PRKAR1B: variants seen among roughly 807,000 people sequenced by gnomAD.
PRKAR1B encodes the protein cAMP-dependent protein kinase type I-beta regulatory subunit.
PRKAR1B carries 22 observed loss-of-function variants against 46.5 expected under a neutral mutation model. The observed-to-expected ratio is 0.47, with a 90% CI of 0.34 to 0.68. The LOEUF (loss-of-function observed/expected upper bound fraction) is 0.68. Among genes scored for constraint, PRKAR1B ranks in the 30% least tolerant of loss-of-function variants. PRKAR1B has a pLI of 0.01. For missense variants in PRKAR1B, 445 were observed against 535.6 expected, an observed-to-expected ratio of 0.83 and a Z score of 1.67; for synonymous variants, 259 against 217.7, an observed-to-expected ratio of 1.19 and a Z score of -1.67.
chr7:594,580 G>A (rs566528113), intron 7 of PRKAR1B, among the ~76,000 whole-genome samples: 1 of 152,196 alleles, frequency 6.6e-6, no homozygotes, highest in African/African-American at 2.4e-5. Context: ...TCTGCCCAGC[G>A]ATGGGACAGA....
chr7:696,255 A>T (rs985805347), intron 2 of PRKAR1B, among the ~76,000 whole-genome samples: 1 of 146,446 alleles, frequency 6.8e-6, no homozygotes, highest in African/African-American at 2.6e-5. Context: ...GAGCCACAGC[A>T]CCCGGCCCCA....
chr7:551,536 G>A, intron 9 of PRKAR1B, 66 bp from the exon 10 acceptor site: 3 of 1,489,102 alleles, frequency 2.0e-6, no homozygotes, highest in Non-Finnish European at 2.7e-6. Flanking sequence ...ACACGTGAGG[G>A]GTCACCCCAC....
intron 4 of PRKAR1B, among the ~76,000 whole-genome samples, chr7:671,473 T>C (rs1259056863): frequency 6.6e-6 from 1 of 152,128 alleles, no homozygotes; most frequent in Non-Finnish European, 1.5e-5. Context: ...TCTGCTTTTG[T>C]TTTCAGACAG....
chr7:619,169 C>T (rs375732808), intron 4 of PRKAR1B, among the ~76,000 whole-genome samples: 14 of 152,206 alleles, frequency 9.2e-5, no homozygotes, highest in East Asian at 5.8e-4. Flanking sequence ...CCACGCAGAG[C>T]GAAGAGTCGG....
At chr7:637,057 G>A (rs994375640) in intron 4 of PRKAR1B, among the ~76,000 whole-genome samples, 1 of 152,182 alleles carries the variant, frequency 6.6e-6, no homozygotes, top group African/African-American at 2.4e-5. Context: ...AGGCTAAGGC[G>A]GGTGGACGGT....
intron 4 of PRKAR1B, among the ~76,000 whole-genome samples, chr7:654,480 A>G (rs1785085833): frequency 6.8e-6 from 1 of 146,618 alleles, no homozygotes. Context: ...CCAAATCACC[A>G]TCTTCATCCC....
chr7:721,553 C>G (rs972088905), intron 1 of PRKAR1B, among the ~76,000 whole-genome samples: 1 of 151,982 alleles, frequency 6.6e-6, no homozygotes, highest in East Asian at 1.9e-4. Flanking sequence ...GAGGCTGAGG[C>G]AGGAGAATTG....
At chr7:620,653 T>C (rs375696714) in intron 4 of PRKAR1B, among the ~76,000 whole-genome samples, 25 of 152,354 alleles carry the variant, frequency 1.6e-4, no homozygotes, top group East Asian at 5.8e-4. Flanking sequence ...TTTTTGTAAG[T>C]TGAGCTTGCA....
chr7:579,357 G>T lies in PRKAR1B; in HGVS notation c.790C>A (p.Arg264Ser). Reference sequence around the variant, plus strand: ...TCCAGCGCATCCGCCACGGTCAGACGCTCCCACTTCTCCAGGGACTCTGTC... The same window carrying T: ...TCCAGCGCATCCGCCACGGTCAGACTCTCCCACTTCTCCAGGGACTCTGTC... The part of the protein sequence containing the change: ...SILESLEKWE[R>S]LTVADALEPV... Residue 264 changes from arginine to serine, a missense_variant, in exon 9 of 11, where the codon CGT (arginine) becomes AGT (serine). Physicochemically the swap from Arg to Ser is moderately radical, Grantham distance 110. Around this residue, in one of 5 missense-constraint regions of PRKAR1B, gnomAD observed 51 missense variants for 85.1 expected, o/e 0.60. Coordinates refer to ENST00000537384, the MANE Select transcript of PRKAR1B (RefSeq NM_001164760.2). 1 of 1,613,930 alleles carries T rather than the reference G, an allele frequency of 6.2e-7. No individual in the cohort carries two copies. Among genetic ancestry groups the T allele is most frequent in the Non-Finnish European group, 8.5e-7 (1 of 1,180,036 alleles).
intron 4 of PRKAR1B, among the ~76,000 whole-genome samples, chr7:668,835 TGAG>T (rs1786071345): frequency 6.6e-6 from 1 of 151,980 alleles, no homozygotes. Context: ...AGAAAGGATT[TGAG>T]GAGTTTAGCT....
At chr7:658,294 G>C (rs1785317923) in intron 4 of PRKAR1B, among the ~76,000 whole-genome samples, 1 of 152,086 alleles carries the variant, frequency 6.6e-6, no homozygotes, top group African/African-American at 2.4e-5. Flanking sequence ...AAATTAGCCA[G>C]GCATGGTGGT....
chr7:607,337 C>T, intron 5 of PRKAR1B, 54 bp downstream of exon 5: 1 of 1,529,980 alleles, frequency 6.5e-7, no homozygotes, highest in Non-Finnish European at 9.0e-7. Flanking sequence ...TTTTTAAGTG[C>T]ATAGTCCATT....
intron 4 of PRKAR1B, among the ~76,000 whole-genome samples, chr7:629,339 G>A (rs907544586): frequency 3.6e-5 from 5 of 137,816 alleles, no homozygotes; most frequent in Admixed American, 1.4e-4. Flanking sequence ...CACGGCCTCC[G>A]AAGGCACCAC....
intron 6 of PRKAR1B, among the ~76,000 whole-genome samples, chr7:597,392 G>A (rs1043684091): frequency 6.6e-6 from 1 of 152,220 alleles, no homozygotes; most frequent in Non-Finnish European, 1.5e-5. Context: ...GCACAGGGGC[G>A]ACTGCTGTGC....
At chr7:713,371 G>C (rs1395945111) in intron 1 of PRKAR1B, among the ~76,000 whole-genome samples, 2 of 147,812 alleles carry the variant, frequency 1.4e-5, no homozygotes, top group Non-Finnish European at 3.0e-5. Flanking sequence ...TCCAGCCCCC[G>C]GGTCCTGCAC....
chr7:578,388 C>T (rs183769925), intron 9 of PRKAR1B, among the ~76,000 whole-genome samples: 170 of 152,304 alleles, frequency 1.1e-3, no homozygotes, highest in African/African-American at 3.8e-3. Context: ...TGGCGTGAGA[C>T]GGCAAAAATG....
intron 2 of PRKAR1B, among the ~76,000 whole-genome samples, chr7:700,616 G>A (rs961706952): frequency 6.6e-6 from 1 of 152,000 alleles, no homozygotes; most frequent in South Asian, 2.1e-4. Flanking sequence ...TGAAGTGAAG[G>A]TGAATACTCT....
At chr7:677,553 A>G (rs1472977953) in intron 3 of PRKAR1B, among the ~76,000 whole-genome samples, 1 of 152,120 alleles carries the variant, frequency 6.6e-6, no homozygotes, top group Non-Finnish European at 1.5e-5. Context: ...CAGCCTCCCA[A>G]GTAGCTGGGA....
intron 6 of PRKAR1B, 149 bp from the exon 7 acceptor site, chr7:596,453 G>T: frequency 1.0e-6 from 1 of 1,000,320 alleles, no homozygotes. Flanking sequence ...AGAGCCCTGC[G>T]TTCCCCAGCA....
Sources: allele counts gnomAD v4.1 joint callset (sites outside exome capture counted in the v4.1 genomes callset), GRCh38; gene constraint gnomAD v4.1.1; regional missense constraint gnomAD v4.1.1; transcripts MANE v1.5; gene names NCBI Gene and HGNC (gene_info 2026-07-23, HGNC 2026-07-21).